The following PTPRQ variants were observed in gnomAD, a reference collection of about 807,000 sequenced individuals.
PTPRQ encodes the protein phosphatidylinositol phosphatase PTPRQ.
PTPRQ carries 199 observed loss-of-function variants against 246.0 expected under a neutral mutation model. That is an observed-to-expected ratio of 0.81 (90% CI 0.72 to 0.91). PTPRQ has a LOEUF of 0.91. PTPRQ is among the 40% of genes least tolerant of loss of function. PTPRQ has a pLI of 0.00. For missense variants in PTPRQ, 2,624 were observed against 2,528.4 expected (o/e 1.04, Z -0.81); for synonymous variants, 869 against 853.2 (o/e 1.02, Z -0.32).
At chr12:80,609,448 A>G (rs369317518) in intron 27 of PTPRQ, among the ~76,000 whole-genome samples, 15 of 150,646 alleles carry the variant, frequency 1.0e-4, no homozygotes, top group Non-Finnish European at 1.9e-4. Context: ...AAGTGTTTCA[A>G]TTAAGATACC....
intron 25 of PTPRQ, among the ~76,000 whole-genome samples, chr12:80,553,171 T>C (rs1178110600): frequency 1.3e-5 from 2 of 152,114 alleles, no homozygotes; most frequent in Non-Finnish European, 2.9e-5. Flanking sequence ...TATTTCCACA[T>C]TCCCATCAGG....
At position 80,649,783 on chromosome 12, in the gene PTPRQ, A is replaced by G. The variant is rs566646954; in HGVS notation, c.6024+114A>G. On this transcript the variant is annotated intron_variant, in intron 37 of 44. Transcript: ENST00000644991. Reference sequence around the variant, plus strand: ...TGAAGGACTCTGGCCTTGATAATCAATACCCAATTACCAGGTTGATTGTTT... The same window carrying G: ...TGAAGGACTCTGGCCTTGATAATCAGTACCCAATTACCAGGTTGATTGTTT... 1.3e-5 allele frequency: 18 copies of G among 1,369,310 alleles called. No individual in the cohort carries two copies. The South Asian group carries it at 2.1e-4, about 16-fold the overall frequency. The allele number at this position is 1,369,310 out of a possible 1,614,324, so 84.8% of individuals were successfully genotyped here.
chr12:80,525,573 G>T (rs1895658958), intron 17 of PTPRQ, among the ~76,000 whole-genome samples: 2 of 151,676 alleles, frequency 1.3e-5, no homozygotes, highest in South Asian at 4.1e-4. Context: ...CTCCAGGAGT[G>T]TGATCATACA....
intron 19 of PTPRQ, among the ~76,000 whole-genome samples, chr12:80,536,088 G>C (rs1229130762): frequency 7.2e-5 from 11 of 152,232 alleles, no homozygotes; most frequent in East Asian, 1.9e-4. Context: ...GCCTGGGCGA[G>C]AGAGCGAGAC....
intron 6 of PTPRQ, among the ~76,000 whole-genome samples, chr12:80,467,306 G>C (rs1187730215): frequency 2.4e-4 from 36 of 152,070 alleles, no homozygotes. Flanking sequence ...ACCACAATGA[G>C]ATACCATCTC....
intron 25 of PTPRQ, chr12:80,586,501 A>G (rs1462231206): frequency 6.6e-6 from 1 of 151,770 alleles, no homozygotes; most frequent in Non-Finnish European, 1.5e-5. Flanking sequence ...TTCCTCAGGG[A>G]TCTAGAACTG....
intron 17 of PTPRQ, among the ~76,000 whole-genome samples, chr12:80,523,632 C>T (rs1895583973): frequency 6.6e-6 from 1 of 152,180 alleles, no homozygotes; most frequent in South Asian, 2.1e-4. Context: ...ACCCAGTAGT[C>T]ATTCAGGAGC....
intron 24 of PTPRQ, among the ~76,000 whole-genome samples, chr12:80,547,736 C>CCAT (rs1264417986): frequency 6.6e-6 from 1 of 152,090 alleles, no homozygotes; most frequent in Non-Finnish European, 1.5e-5. Flanking sequence ...TTAGCAGTAG[C>CCAT]CATCTCATAA....
Position 80,506,616 on chromosome 12 carries a change from C to G in PTPRQ, c.2503C>G (p.Leu835Val), listed in dbSNP as rs1447518554. The G allele has an allele frequency of 1.3e-6, 2 of 1,543,496 alleles. No homozygotes were observed. Among genetic ancestry groups the G allele is most frequent in the Admixed American group, 4.0e-5 (2 of 50,572 alleles). The change falls in exon 16 of 45, where the codon CTC (leucine) becomes GTC (valine). Residue 835 changes from leucine (L) to valine (V), a missense_variant. Leu to Val is a conservative substitution (Grantham distance 32). Coordinates refer to ENST00000644991, the MANE Select transcript of PTPRQ (RefSeq NM_001145026.2). Reference protein sequence around the residue: ...QYIIEVSASTLKGEGVRSAPI... With the variant: ...QYIIEVSASTVKGEGVRSAPI... ...TATCATTGAGGTGTCTGCTAGTACACTCAAAGGTGAAGGAGTTCGGAGTGC... is the reference window on the plus strand; with the variant it reads ...TATCATTGAGGTGTCTGCTAGTACAGTCAAAGGTGAAGGAGTTCGGAGTGC...
At chr12:80,558,119 C>CTTTTCTTTTTTCTTTTCT (rs1555197998) in intron 25 of PTPRQ, among the ~76,000 whole-genome samples, 3 of 95,680 alleles carry the variant, frequency 3.1e-5, no homozygotes, top group Non-Finnish European at 5.8e-5. Context: ...TCTTTTCTTT[C>CTTTTCTTTTTTCTTTTCT]TTTCTTTTCT....
intron 8 of PTPRQ, among the ~76,000 whole-genome samples, chr12:80,475,356 A>G (rs748699840): frequency 8.5e-5 from 13 of 152,108 alleles, no homozygotes; most frequent in Non-Finnish European, 1.3e-4. Context: ...GCATTGGGGT[A>G]AAGAAAATGT....
intron 30 of PTPRQ, among the ~76,000 whole-genome samples, chr12:80,616,722 T>C (rs1898777215): frequency 6.6e-6 from 1 of 151,270 alleles, no homozygotes; most frequent in African/African-American, 2.4e-5. Context: ...GGTTGGTTTA[T>C]GATTCTGACA....
chr12:80,559,368 A>G (rs928370750), intron 25 of PTPRQ, among the ~76,000 whole-genome samples: 1 of 152,182 alleles, frequency 6.6e-6, no homozygotes, highest in East Asian at 1.9e-4. Flanking sequence ...TCATCCTGTT[A>G]GTAGGGTCTT....
rs1442974121 is a variant in PTPRQ, at chr12:80,678,903, A to G, written c.6863-83A>G. 4 of 1,476,990 alleles carry G rather than the reference A, an allele frequency of 2.7e-6. No individual in the cohort carries two copies. In the Admixed American group the frequency reaches 1.0e-4, roughly 38 times the overall value. 91.5% of individuals were successfully genotyped at this position (1,476,990 alleles called of 1,614,324 possible). ...TGGGCTAATAATACCCTTTCTGTCT[A>G]CATTATATTTTTATCATGAAACATT... is the stretch of plus-strand genomic sequence containing the variant. On this transcript the variant is annotated intron_variant, in intron 44 of 44. Transcript: ENST00000644991.
rs910275103 is a variant in PTPRQ, at chr12:80,455,394, C to T, written c.391-2181C>T. Reference sequence around the variant, plus strand: ...GAAAATATTTCATTTTAAAATAAAACTTATAGTTAGCTTTTCATTTTTCTT... The same window carrying T: ...GAAAATATTTCATTTTAAAATAAAATTTATAGTTAGCTTTTCATTTTTCTT... On this transcript the variant is annotated intron_variant, in intron 3 of 44. Transcript: ENST00000644991. Among the ~76,000 whole-genome samples the T allele has an allele frequency of 3.3e-5, 5 of 151,986 alleles. No individual in the cohort carries two copies. The East Asian group carries it at 9.7e-4, about 29-fold the overall frequency.
intron 25 of PTPRQ, among the ~76,000 whole-genome samples, chr12:80,559,051 T>C (rs1244897673): frequency 6.6e-6 from 1 of 152,194 alleles, no homozygotes; most frequent in African/African-American, 2.4e-5. Flanking sequence ...CTTTTCTTTC[T>C]TTTCTTTTTT....
intron 25 of PTPRQ, among the ~76,000 whole-genome samples, chr12:80,563,522 G>A (rs1377794594): frequency 6.6e-6 from 1 of 152,198 alleles, no homozygotes; most frequent in African/African-American, 2.4e-5. Context: ...ATTTTGGGGT[G>A]ATGCAAATAT....
chr12:80,576,300 C>T (rs1045436244), intron 25 of PTPRQ, among the ~76,000 whole-genome samples: 3 of 151,998 alleles, frequency 2.0e-5, no homozygotes, highest in African/African-American at 7.2e-5. Context: ...TGCCATCACA[C>T]CCAGCTAATT....
chr12:80,584,989 AT>A (rs1897564566), intron 25 of PTPRQ, among the ~76,000 whole-genome samples: 1 of 151,676 alleles, frequency 6.6e-6, no homozygotes, highest in Non-Finnish European at 1.5e-5. Context: ...GTAAATATAT[AT>A]ATATATATAG....
Sources: gnomAD v4.1 joint callset for allele counts (sites outside exome capture counted in the v4.1 genomes callset) on GRCh38, gnomAD v4.1.1 for gene constraint, MANE v1.5 for transcripts, NCBI Gene and HGNC (gene_info 2026-07-23, HGNC 2026-07-21) for gene names.